Variants in MDGA2 observed in about 807,000 individuals in gnomAD.
MDGA2 encodes the protein MAM domain containing glycosylphosphatidylinositol anchor 2.
In MDGA2, 40 loss-of-function variants were observed where a neutral mutation model predicts 117.8. The ratio of observed to expected loss-of-function variants is 0.34; its 90% CI spans 0.26 to 0.44. MDGA2 has a LOEUF of 0.44. Ranked by LOEUF, MDGA2 falls within the 20% of genes least tolerant of loss-of-function variation. The probability of loss-of-function intolerance (pLI) is 1.00; values close to 1 mark genes in which losing one functional copy is unlikely to be tolerated. For missense variants in MDGA2, 1,123 were observed against 1,250.6 expected, an observed-to-expected ratio of 0.90 and a Z score of 1.54; for synonymous variants, 452 against 439.0, an observed-to-expected ratio of 1.03 and a Z score of -0.37.
chr14:47,210,690 C>T (rs903482819), intron 3 of MDGA2, among the ~76,000 whole-genome samples: 1 of 152,142 alleles, frequency 6.6e-6, no homozygotes, highest in Non-Finnish European at 1.5e-5. Flanking sequence ...TATTAGAATG[C>T]TGACCCTCAT....
chr14:47,050,596 A>G (rs534302222), intron 7 of MDGA2, among the ~76,000 whole-genome samples: 27 of 152,086 alleles, frequency 1.8e-4, no homozygotes, highest in African/African-American at 6.5e-4. Context: ...ATTTTATTGT[A>G]TATACTAGTG....
intron 2 of MDGA2, among the ~76,000 whole-genome samples, chr14:47,235,475 T>C (rs1299475727): frequency 6.6e-6 from 1 of 152,186 alleles, no homozygotes; most frequent in African/African-American, 2.4e-5. Context: ...AACCTTTCTG[T>C]TCCTCACAAT....
chr14:47,226,365 G>C (rs920313039), intron 2 of MDGA2, among the ~76,000 whole-genome samples: 2 of 152,058 alleles, frequency 1.3e-5, no homozygotes, highest in African/African-American at 4.8e-5. Flanking sequence ...GTAAGAAACA[G>C]GTAAAATAGC....
At chr14:47,605,544 A>C (rs1459470305) in intron 1 of MDGA2, among the ~76,000 whole-genome samples, 1 of 152,186 alleles carries the variant, frequency 6.6e-6, no homozygotes, top group African/African-American at 2.4e-5. Flanking sequence ...CAGAATGGAG[A>C]AAATCACATC....
intron 9 of MDGA2, among the ~76,000 whole-genome samples, chr14:46,948,500 T>C (rs1310925785): frequency 1.3e-5 from 2 of 151,986 alleles, no homozygotes; most frequent in East Asian, 3.9e-4. Context: ...TTTGAAATAC[T>C]CTAGGTCCAG....
intron 3 of MDGA2, among the ~76,000 whole-genome samples, chr14:47,200,127 GTA>G (rs1885436312): frequency 6.6e-6 from 1 of 151,964 alleles, no homozygotes; most frequent in Non-Finnish European, 1.5e-5. Flanking sequence ...CTTGTATGTT[GTA>G]TATATGTGTT....
intron 1 of MDGA2, among the ~76,000 whole-genome samples, chr14:47,388,260 T>A (rs1891805582): frequency 6.6e-6 from 1 of 152,172 alleles, no homozygotes; most frequent in South Asian, 2.1e-4. Flanking sequence ...TAGTTTGAGT[T>A]CCTTTTCTAA....
intron 1 of MDGA2, among the ~76,000 whole-genome samples, chr14:47,459,345 T>C (rs535300140): frequency 2.6e-5 from 4 of 152,128 alleles, no homozygotes; most frequent in African/African-American, 9.6e-5. Flanking sequence ...GGAGGCTGGG[T>C]TGTACTATTT....
chr14:47,047,885 A>G (rs937780052), intron 7 of MDGA2, among the ~76,000 whole-genome samples: 45 of 152,006 alleles, frequency 3.0e-4, no homozygotes, highest in African/African-American at 1.0e-3. Flanking sequence ...ACACATATGC[A>G]TTTTACATGA....
At chr14:47,294,682 T>C (rs1481937252) in intron 2 of MDGA2, among the ~76,000 whole-genome samples, 2 of 152,098 alleles carry the variant, frequency 1.3e-5, no homozygotes, top group African/African-American at 4.8e-5. Flanking sequence ...ATGTTTCTTA[T>C]TCAAGTGCAT....
chr14:47,449,365 A>T (rs187513314), intron 1 of MDGA2, among the ~76,000 whole-genome samples: 1 of 152,324 alleles, frequency 6.6e-6, no homozygotes, highest in East Asian at 1.9e-4. Context: ...GTAGACTATT[A>T]GACTCACCTC....
At chr14:46,886,861 G>A (rs1409279078) in intron 10 of MDGA2, among the ~76,000 whole-genome samples, 3 of 151,710 alleles carry the variant, frequency 2.0e-5, no homozygotes, top group Non-Finnish European at 4.4e-5. Flanking sequence ...CCAGAATTTT[G>A]TATATGGCGT....
chr14:46,961,101 C>G (rs1431808762), intron 8 of MDGA2, among the ~76,000 whole-genome samples: 1 of 151,906 alleles, frequency 6.6e-6, no homozygotes, highest in Non-Finnish European at 1.5e-5. Context: ...CACACTTTGA[C>G]GTGAATGTCT....
chr14:47,061,977 T>C (rs993534891), intron 6 of MDGA2, among the ~76,000 whole-genome samples: 1 of 152,008 alleles, frequency 6.6e-6, no homozygotes, highest in East Asian at 1.9e-4. Context: ...TTTCCCTATG[T>C]CACTACTTAG....
At chr14:46,928,781 T>G (rs1884427935) in intron 9 of MDGA2, among the ~76,000 whole-genome samples, 1 of 152,212 alleles carries the variant, frequency 6.6e-6, no homozygotes. Flanking sequence ...CTTTGTTCTA[T>G]GATAATTATT....
chr14:47,152,933 A>T (rs1883218232), intron 3 of MDGA2, among the ~76,000 whole-genome samples: 1 of 152,190 alleles, frequency 6.6e-6, no homozygotes, highest in Non-Finnish European at 1.5e-5. Context: ...ATTCTTCACA[A>T]GTATAGAGTA....
At position 47,645,704 on chromosome 14, in the gene MDGA2, A is replaced by C. The variant is rs1187901420; in HGVS notation, c.280+28813T>G. Among the ~76,000 whole-genome samples the C allele has an allele frequency of 2.0e-5, 3 of 152,132 alleles. No individual in the cohort carries two copies. In the East Asian group the frequency reaches 5.8e-4, roughly 29 times the overall value. On this transcript the variant is annotated intron_variant, in intron 1 of 16. Coordinates refer to ENST00000399232, the MANE Select transcript of MDGA2 (RefSeq NM_001113498.3). The stretch of plus-strand genomic sequence containing the variant: ...TACCAGCACTAACAAAAATGCTTAC[A>C]ACTGATCAAAAGAAGCTCTAACCAA...
intron 9 of MDGA2, among the ~76,000 whole-genome samples, chr14:46,945,652 C>A (rs538484823): frequency 6.6e-6 from 1 of 151,984 alleles, no homozygotes; most frequent in Admixed American, 6.6e-5. Context: ...TTAAACTTAG[C>A]CAGAAATCCA....
chr14:47,218,385 T>A (rs1224144052), intron 2 of MDGA2, among the ~76,000 whole-genome samples, 190 bp from the exon 3 acceptor site: 1 of 152,196 alleles, frequency 6.6e-6, no homozygotes, highest in Non-Finnish European at 1.5e-5. Flanking sequence ...GTCATCATTG[T>A]ACAGTGTGTG....
Sources: allele counts gnomAD v4.1 joint callset (sites outside exome capture counted in the v4.1 genomes callset), GRCh38; gene constraint gnomAD v4.1.1; transcripts MANE v1.5; gene names NCBI Gene and HGNC (gene_info 2026-07-23, HGNC 2026-07-21).